The following HECTD4 variants were observed in gnomAD, a reference collection of about 807,000 sequenced individuals.
HECTD4 encodes HECT domain E3 ubiquitin protein ligase 4.
Under a neutral mutation model 471.5 loss-of-function variants are expected in HECTD4, and 114 were observed. The observed-to-expected ratio is 0.24, with a 90% confidence interval of 0.21 to 0.28. The LOEUF (loss-of-function observed/expected upper bound fraction) is 0.28, where lower values mean the gene tolerates loss of function less well. HECTD4 is among the 10% of genes least tolerant of loss of function. The probability of loss-of-function intolerance (pLI) is 1.00; values close to 1 mark genes in which losing one functional copy is unlikely to be tolerated. For missense variants in HECTD4, 3,866 were observed against 5,651.5 expected (o/e 0.68, Z 10.13); for synonymous variants, 2,012 against 2,256.0 (o/e 0.89, Z 3.07).
rs912221152 is a variant in HECTD4 at position 112,273,884 on chromosome 12, C to T, written c.1802-89G>A. ...CAAGCACTGCTACAAAGTGGAAGGG[C>T]AAGGATGCTCTCTAATGTTGACAAC... On this transcript the variant is annotated intron_variant, in intron 10 of 75. Coordinates refer to ENST00000682272, the MANE Select transcript of HECTD4 (RefSeq NM_001388303.1). The T allele has an allele frequency of 7.6e-6, 11 of 1,456,054 alleles. No individual in the cohort carries two copies. The Middle Eastern group carries it at 1.3e-3, about 176-fold the overall frequency. 90.2% of individuals were successfully genotyped at this position (1,456,054 alleles called of 1,614,324 possible).
In HECTD4 at chr12:112,204,467, G is replaced by C. The variant is rs1226301987; in HGVS notation, c.8269+19C>G. On this transcript the variant is annotated intron_variant, in intron 53 of 75. Coordinates refer to ENST00000682272, the MANE Select transcript of HECTD4 (RefSeq NM_001388303.1). ...TTTCATAGGAAATTTCATAGGTCGA[G>C]TAAGGAGGAAAGCAAAACCTTTTCG... The C allele has an allele frequency of 1.9e-6, 3 of 1,606,326 alleles. No individual in the cohort carries two copies. The South Asian group carries it at 3.3e-5, about 18-fold the overall frequency.
intron 13 of HECTD4, among the ~76,000 whole-genome samples, chr12:112,268,526 T>G (rs1182321612): frequency 1.3e-5 from 2 of 152,026 alleles, no homozygotes; most frequent in South Asian, 2.1e-4. Context: ...GAGGCCAAGG[T>G]GGGTGGATCA....
At chr12:112,273,947 C>T (rs1223611500) in intron 10 of HECTD4, among the ~76,000 whole-genome samples, 152 bp from the exon 11 acceptor site, 1 of 152,244 alleles carries the variant, frequency 6.6e-6, no homozygotes, top group East Asian at 1.9e-4. Context: ...TGGTAAGGCA[C>T]TAGGTTGGGA....
At chr12:112,314,008 T>G (rs2135692715) in intron 3 of HECTD4, among the ~76,000 whole-genome samples, 1 of 152,198 alleles carries the variant, frequency 6.6e-6, no homozygotes, top group Admixed American at 6.5e-5. Context: ...TATTATCATC[T>G]CAAAATTTGC....
intron 59 of HECTD4, 29 bp downstream of exon 59, chr12:112,192,531 C>T: frequency 2.0e-6 from 3 of 1,468,198 alleles, no homozygotes; most frequent in South Asian, 1.4e-5. Context: ...TCCAGCTGTT[C>T]TCATCATGAC....
intron 1 of HECTD4, among the ~76,000 whole-genome samples, chr12:112,351,630 C>T (rs1443485332): frequency 6.6e-6 from 1 of 152,112 alleles, no homozygotes; most frequent in African/African-American, 2.4e-5. Flanking sequence ...AATTTCTAGG[C>T]AAGGGGTAAA....
chr12:112,226,745 T>C lies in HECTD4; in HGVS notation c.6868A>G (p.Met2290Val). The change falls in exon 44 of 76, where the codon ATG (methionine) becomes GTG (valine). Residue 2290 changes from methionine (M) to valine (V), a missense_variant. Transcript: ENST00000682272. Reference protein sequence around the residue: ...AEIRTRACLVMAQLLEDSLFC... With the variant: ...AEIRTRACLVVAQLLEDSLFC... ...AAGCTGTCTTCTAAAAGCTGGGCCA[T>C]GACCAGGCATGCTCTTAATGTTAAA... 6.2e-7 allele frequency: 1 copy of C among 1,609,194 alleles called. No homozygotes were observed.
chr12:112,321,079 G>C (rs1446220279), intron 1 of HECTD4, among the ~76,000 whole-genome samples: 2 of 151,844 alleles, frequency 1.3e-5, no homozygotes, highest in Non-Finnish European at 1.5e-5. Context: ...CCTGACCTCA[G>C]GTGATCTGCC....
intron 21 of HECTD4, among the ~76,000 whole-genome samples, chr12:112,255,778 C>T (rs550867912): frequency 3.3e-5 from 5 of 152,276 alleles, no homozygotes; most frequent in South Asian, 4.1e-4. Context: ...ATGCTTCAAC[C>T]CCTAAGATGC....
rs2032840618 is a variant in HECTD4 at position 112,213,988 on chromosome 12, C to G, written c.7466-1338G>C. On this transcript the variant is annotated intron_variant, in intron 48 of 75. Transcript: ENST00000682272. The surrounding 1 kb of genome is among the most constrained non-coding windows in gnomAD (Gnocchi z 4.0). Reference sequence around the variant, plus strand: ...AGTGAGCTGTGATTGCACCACTGCACTCTAGCCTGGGTGACAGAGTGAGAC... The same window carrying G: ...AGTGAGCTGTGATTGCACCACTGCAGTCTAGCCTGGGTGACAGAGTGAGAC... Among the ~76,000 whole-genome samples the G allele has an allele frequency of 6.6e-6, 1 of 151,490 alleles. No individual in the cohort carries two copies. Among genetic ancestry groups the G allele is most frequent in the African/African-American group, 2.4e-5 (1 of 41,224 alleles).
In HECTD4 at chr12:112,194,869, C is replaced by T. The variant is rs756464503; in HGVS notation, c.8749+16G>A. 5.6e-6 allele frequency: 9 copies of T among 1,597,638 alleles called. No homozygotes were observed. The South Asian group carries it at 9.1e-5, about 16-fold the overall frequency. On this transcript the variant is annotated intron_variant, in intron 56 of 75. Transcript: ENST00000682272. The surrounding 1 kb of genome is among the most constrained non-coding windows in gnomAD (Gnocchi z 4.6). ...GTGCTAAGTTCCAGAGTGACAGCAG[C>T]AAAGCCAAGTTTTACCTGGGAGAGG...
intron 35 of HECTD4, among the ~76,000 whole-genome samples, chr12:112,236,723 T>C (rs1159643709): frequency 3.3e-5 from 5 of 152,238 alleles, no homozygotes; most frequent in South Asian, 4.1e-4. Flanking sequence ...AATGATGATA[T>C]ATTATTTTAT....
At chr12:112,220,359 C>A (rs1008319927) in intron 44 of HECTD4, among the ~76,000 whole-genome samples, 4 of 152,054 alleles carry the variant, frequency 2.6e-5, no homozygotes, top group East Asian at 1.9e-4. Flanking sequence ...GCAGACCACA[C>A]ACAGGCACAC....
intron 1 of HECTD4, among the ~76,000 whole-genome samples, chr12:112,364,970 G>A (rs990135693): frequency 6.6e-6 from 1 of 152,162 alleles, no homozygotes; most frequent in Non-Finnish European, 1.5e-5. Context: ...TAGCATGAAG[G>A]CAGACAATAT....
At chr12:112,207,754 G>A (rs1460376078) in intron 52 of HECTD4, 120 bp downstream of exon 52, 2 of 1,119,698 alleles carry the variant, frequency 1.8e-6, no homozygotes, top group East Asian at 5.0e-5. Context: ...TAAGGTCAAA[G>A]ACACTGTTAA....
chr12:112,229,156 A>G (rs372497847), intron 41 of HECTD4, among the ~76,000 whole-genome samples: 3 of 152,152 alleles, frequency 2.0e-5, no homozygotes, highest in South Asian at 4.2e-4. Context: ...ATGAAATCCC[A>G]TCTCTATTAA....
Position 112,306,063 on chromosome 12 carries a change from C to G in HECTD4, c.1335+1G>C. ...ATACAAGCGAGAAAGTTCAAACTTA[C>G]CACAAGTTCAAAAATGTCCATGAAG... is the stretch of plus-strand genomic sequence containing the variant. On this transcript the variant is annotated splice_donor_variant, in intron 7 of 75. Coordinates refer to ENST00000682272, the MANE Select transcript of HECTD4 (RefSeq NM_001388303.1). LOFTEE classifies it high-confidence loss of function. The G allele has an allele frequency of 6.3e-7, 1 of 1,592,044 alleles. No homozygotes were observed. The highest frequency in any genetic ancestry group is 8.5e-7 in the Non-Finnish European group (1 of 1,173,042).
At chr12:112,340,720 T>C (rs1386488207) in intron 1 of HECTD4, among the ~76,000 whole-genome samples, 2 of 152,196 alleles carry the variant, frequency 1.3e-5, no homozygotes, top group Admixed American at 6.5e-5. Flanking sequence ...TGACATTAAG[T>C]ACAACAATAC....
rs1421146583 is a variant in HECTD4, at chr12:112,184,467, A to T, written c.10499T>A (p.Ile3500Asn). ...SQASICSSQG[I>N]SQTVSDLSVD... is the part of the protein sequence containing the mutation. ...AGAGAGGTCGCTGACGGTTTGGGAG[A>T]TGCCCTGCGAGCTGCAGATGGAGGC... is the stretch of plus-strand genomic sequence containing the variant. The change falls in exon 61 of 76, where the codon ATC becomes AAC. Residue 3500 changes from isoleucine to asparagine, a missense_variant. Around this residue, in one of 16 missense-constraint regions of HECTD4, gnomAD observed 192 missense variants for 189.9 expected, o/e 1.01. Transcript: ENST00000682272. The surrounding 1 kb of genome is among the most constrained non-coding windows in gnomAD (Gnocchi z 9.1). The T allele has an allele frequency of 6.2e-7, 1 of 1,606,244 alleles. No homozygotes were observed. The highest frequency in any genetic ancestry group is 1.7e-5 in the Admixed American group (1 of 59,756).
Sources: gnomAD v4.1 joint callset for allele counts (sites outside exome capture counted in the v4.1 genomes callset) on GRCh38, gnomAD v4.1.1 for gene constraint, gnomAD v4.1.1 regional missense constraint, Gnocchi (gnomAD v3.1) non-coding constraint, MANE v1.5 for transcripts, NCBI Gene and HGNC (gene_info 2026-07-23, HGNC 2026-07-21) for gene names.